The following PCDHA5 variants were observed in gnomAD, a reference collection of about 807,000 sequenced individuals.
The protein encoded by PCDHA5 is protocadherin alpha-5.
In PCDHA5, 43 loss-of-function variants were observed where a neutral mutation model predicts 61.6. The ratio of observed to expected loss-of-function variants is 0.70; its 90% CI spans 0.55 to 0.90. PCDHA5 has a LOEUF of 0.90. Ranked by LOEUF, PCDHA5 falls within the 40% of genes least tolerant of loss-of-function variation. PCDHA5 has a pLI of 0.00. For missense variants in PCDHA5, 1,298 were observed against 1,222.7 expected (o/e 1.06, Z -0.92); for synonymous variants, 627 against 543.9 (o/e 1.15, Z -2.13).
Position 140,921,480 on chromosome 5 carries a change from A to G in PCDHA5, c.2353-57469A>G, listed in dbSNP as rs201609452. On this transcript the variant is annotated intron_variant, in intron 1 of 3. Coordinates refer to ENST00000529859, the MANE Select transcript of PCDHA5 (RefSeq NM_018908.3). ...CCTGCAACCACTACCAAACCACTCT[A>G]CCTGAGATTAGTTTATTAGATAGTG... 4.8e-4 allele frequency among the ~76,000 whole-genome samples: 73 copies of G among 152,306 alleles called. No homozygotes were observed. In the East Asian group the frequency reaches 0.011, roughly 22 times the overall value.
chr5:140,875,928 T>C (rs782425352), intron 1 of PCDHA5: 1 of 1,614,188 alleles, frequency 6.2e-7, no homozygotes, highest in South Asian at 1.1e-5. Flanking sequence ...ACTCTCATTT[T>C]CCTCTAGAGG....
intron 1 of PCDHA5, among the ~76,000 whole-genome samples, chr5:140,924,229 T>G (rs543275737): frequency 6.6e-6 from 1 of 152,258 alleles, no homozygotes; most frequent in Non-Finnish European, 1.5e-5. Flanking sequence ...TCAATTTTTA[T>G]GGGCTGTTTT....
chr5:140,835,125 A>G, intron 1 of PCDHA5: 1 of 1,331,534 alleles, frequency 7.5e-7, no homozygotes, highest in South Asian at 1.4e-5. Flanking sequence ...AACCCTGTAT[A>G]CGGTGAAATT....
intron 1 of PCDHA5, chr5:140,828,936 A>G (rs1554131652): frequency 3.1e-6 from 5 of 1,614,144 alleles, no homozygotes; most frequent in Non-Finnish European, 4.2e-6. Flanking sequence ...TATTCTTTTA[A>G]TAGCCTTGTT....
chr5:140,891,374 A>G (rs960838202), intron 1 of PCDHA5, among the ~76,000 whole-genome samples: 11 of 151,996 alleles, frequency 7.2e-5, no homozygotes, highest in Non-Finnish European at 1.3e-4. Flanking sequence ...TATACATTGC[A>G]CCATATTTGC....
chr5:140,921,693 C>A (rs115825687), intron 1 of PCDHA5, among the ~76,000 whole-genome samples: 103 of 152,244 alleles, frequency 6.8e-4, no homozygotes, highest in African/African-American at 2.4e-3. Flanking sequence ...CTGGCCACCT[C>A]AATTTTAAAC....
chr5:140,857,883 C>T (rs782327077), intron 1 of PCDHA5: 1 of 1,597,548 alleles, frequency 6.3e-7, no homozygotes, highest in Admixed American at 1.7e-5. Context: ...GAATTGCAGT[C>T]GGCGGCGGTT....
At chr5:140,910,105 T>C (rs1021391817) in intron 1 of PCDHA5, among the ~76,000 whole-genome samples, 11 of 152,202 alleles carry the variant, frequency 7.2e-5, no homozygotes, top group African/African-American at 2.7e-4. Flanking sequence ...CCCCTTCATT[T>C]AAGGGATTCT....
At position 141,011,465 on chromosome 5, in the gene PCDHA5, G is replaced by A. The variant is rs2098420693; in HGVS notation, c.*1528G>A. ...TGAACTTTAAGCTTTATTGTTGAAT[G>A]TAATTCCATTATATTTCCTTTTGTA... On this transcript the variant is annotated 3_prime_UTR_variant, in exon 4 of 4. Transcript: ENST00000529859. The A allele has an allele frequency of 6.5e-6, 1 of 153,770 alleles. No individual in the cohort carries two copies. The highest frequency in any genetic ancestry group is 2.4e-5 in the African/African-American group (1 of 41,452). The allele number at this position is 153,770 out of a possible 1,614,324, so 9.5% of individuals were successfully genotyped here.
intron 1 of PCDHA5, among the ~76,000 whole-genome samples, chr5:140,887,146 G>A (rs1160453059): frequency 9.9e-5 from 15 of 151,600 alleles, no homozygotes; most frequent in Non-Finnish European, 2.1e-4. Context: ...GCCCAGGCTG[G>A]AGTACAGTGG....
chr5:140,985,228 C>G (rs1022229644), intron 3 of PCDHA5, among the ~76,000 whole-genome samples: 4 of 152,156 alleles, frequency 2.6e-5, no homozygotes, highest in Non-Finnish European at 4.4e-5. Context: ...TGAGCCACCG[C>G]GCCTGGCCTA....
intron 3 of PCDHA5, among the ~76,000 whole-genome samples, chr5:140,986,524 G>C (rs2097203903): frequency 6.6e-6 from 1 of 152,198 alleles, no homozygotes; most frequent in South Asian, 2.1e-4. Flanking sequence ...GCCTGTGAGG[G>C]AACTGGCCTG....
intron 1 of PCDHA5, chr5:140,848,196 A>T: frequency 3.3e-6 from 1 of 307,634 alleles, no homozygotes. Context: ...CTTCTGTTTC[A>T]ACAATCATTA....
chr5:140,843,055 C>G lies in PCDHA5; in HGVS notation c.2352+18928C>G, dbSNP rs2150351247. 2.5e-6 allele frequency: 4 copies of G among 1,594,954 alleles called. No homozygotes were observed. In the African/African-American group the frequency reaches 4.0e-5, roughly 16 times the overall value. Reference sequence around the variant, plus strand: ...TGGGTGGCACTGGTGGCGCAGCGAGCAAGCTGGTGCCGCGGTCTGTGGGCG... The same window carrying G: ...TGGGTGGCACTGGTGGCGCAGCGAGGAAGCTGGTGCCGCGGTCTGTGGGCG... On this transcript the variant is annotated intron_variant, in intron 1 of 3. Transcript: ENST00000529859.
chr5:140,870,130 A>T (rs781855370), intron 1 of PCDHA5: 2 of 1,613,866 alleles, frequency 1.2e-6, no homozygotes, highest in East Asian at 4.5e-5. Context: ...CTTGGACACC[A>T]ACGATAACTC....
At chr5:140,843,305 A>C (rs2150356964) in intron 1 of PCDHA5, 9 of 1,595,822 alleles carry the variant, frequency 5.6e-6, no homozygotes, top group Non-Finnish European at 7.7e-6. Flanking sequence ...GCTGACCGCC[A>C]CGGCCACGGT....
chr5:141,008,530 A>G (rs1176119695), intron 3 of PCDHA5, among the ~76,000 whole-genome samples: 2 of 152,128 alleles, frequency 1.3e-5, no homozygotes, highest in African/African-American at 4.8e-5. Context: ...ACTCTTGGGA[A>G]TGTCTTTTAT....
intron 2 of PCDHA5, among the ~76,000 whole-genome samples, chr5:140,982,130 G>A (rs1298475758): frequency 6.6e-6 from 1 of 152,228 alleles, no homozygotes; most frequent in African/African-American, 2.4e-5. Context: ...TTGAGAACAA[G>A]CCCTCCTCAT....
At chr5:140,902,702 C>T (rs78828243) in intron 1 of PCDHA5, among the ~76,000 whole-genome samples, 7,835 of 152,116 alleles carry the variant, frequency 0.052, 268 homozygotes, top group Admixed American at 0.075. Flanking sequence ...AGTCTTTTAT[C>T]TTTCACTCCC....
Sources: gnomAD v4.1 joint callset for allele counts (sites outside exome capture counted in the v4.1 genomes callset) on GRCh38, gnomAD v4.1.1 for gene constraint, MANE v1.5 for transcripts, NCBI Gene and HGNC (gene_info 2026-07-23, HGNC 2026-07-21) for gene names.